Variants in MAN2C1 observed in about 807,000 individuals in gnomAD.
MAN2C1 encodes alpha-mannosidase 2C1.
In MAN2C1, 111 loss-of-function variants were observed where a neutral mutation model predicts 126.9. The ratio of observed to expected loss-of-function variants is 0.87; its 90% CI spans 0.75 to 1.02. MAN2C1 has a LOEUF of 1.02. MAN2C1 is among the 50% of genes least tolerant of loss of function. The pLI is 0.00. For synonymous variants in MAN2C1, 567 were observed against 561.5 expected (o/e 1.01, Z -0.14); for missense variants, 1,363 against 1,364.4 (o/e 1.00, Z 0.02).
Position 75,358,632 on chromosome 15 carries a change from G to T in MAN2C1, c.2247-14C>A. The T allele has an allele frequency of 6.2e-7, 1 of 1,612,408 alleles. No homozygotes were observed. On this transcript the variant is annotated splice_polypyrimidine_tract_variant and intron_variant, in intron 19 of 25. Coordinates refer to ENST00000267978, the MANE Select transcript of MAN2C1 (RefSeq NM_006715.4). ...AGCACAGGCTTCCTATGGGACAGGG[G>T]TGGACATACTGATCCAGAGCAGCCT... is the stretch of plus-strand genomic sequence containing the variant.
intron 4 of MAN2C1, chr15:75,365,896 C>T (rs1567286785): frequency 2.3e-6 from 1 of 425,666 alleles, no homozygotes; most frequent in Non-Finnish European, 4.6e-6. Flanking sequence ...AGTAGCCTGG[C>T]CAACACGGTG....
intron 20 of MAN2C1, 54 bp from the exon 21 acceptor site, chr15:75,358,398 TG>T: frequency 6.2e-7 from 1 of 1,613,366 alleles, no homozygotes; most frequent in Non-Finnish European, 8.5e-7. Flanking sequence ...CACCAAGGCC[TG>T]GGGCTGGCCC....
rs367645979 is a variant in MAN2C1 at position 75,356,709 on chromosome 15, G to T, written c.2658-24C>A. 6.2e-7 allele frequency: 1 copy of T among 1,610,640 alleles called. No homozygotes were observed. ...AGCTGGGGTGAGGAGGGCGCGTAGG[G>T]GCCACGCTGAAGCTGTTGGAGTTGT... is the stretch of plus-strand genomic sequence containing the variant. On this transcript the variant is annotated intron_variant, in intron 22 of 25. Coordinates refer to ENST00000267978, the MANE Select transcript of MAN2C1 (RefSeq NM_006715.4). This position sits in a 1 kb window ranked among gnomAD's most constrained non-coding sequence, Gnocchi z 5.8.
intron 21 of MAN2C1, chr15:75,357,154 G>C (rs989210307): frequency 6.2e-6 from 3 of 483,992 alleles, no homozygotes; most frequent in African/African-American, 5.9e-5. Flanking sequence ...GTAAAACTTT[G>C]TTTTTTTCAC....
At position 75,361,969 on chromosome 15, in the gene MAN2C1, G is replaced by A; in HGVS notation, c.1009-22C>T. The A allele has an allele frequency of 6.3e-7, 1 of 1,583,562 alleles. No homozygotes were observed. Among genetic ancestry groups the A allele is most frequent in the East Asian group, 2.2e-5 (1 of 44,768 alleles). The stretch of plus-strand genomic sequence containing the variant: ...CATCCTGGCAGTGAAGGAAGTGGGA[G>A]GCAGCCCAGGTCAGCGCTGGACGGG... On this transcript the variant is annotated intron_variant, in intron 8 of 25. Coordinates refer to ENST00000267978, the MANE Select transcript of MAN2C1 (RefSeq NM_006715.4). This position sits in a 1 kb window ranked among gnomAD's most constrained non-coding sequence, Gnocchi z 5.0.
chr15:75,364,636 T>A lies in MAN2C1; in HGVS notation c.452A>T (p.Asn151Ile). ...TCCCTTCCCGGCCCCCAGGAGCCCA[T>A]TGCAGGCTACTTCCACATAGAGAGT... is the stretch of plus-strand genomic sequence containing the variant. ...SLTLYVEVAC[N>I]GLLGAGKGSM... is the part of the protein sequence containing the mutation. Residue 151 changes from asparagine to isoleucine, a missense_variant, in exon 5 of 26, where the codon AAT becomes ATT. Coordinates refer to ENST00000267978, the MANE Select transcript of MAN2C1 (RefSeq NM_006715.4). The A allele has an allele frequency of 6.2e-7, 1 of 1,613,074 alleles. No individual in the cohort carries two copies. The highest frequency in any genetic ancestry group is 8.5e-7 in the Non-Finnish European group (1 of 1,179,502).
intron 5 of MAN2C1, 141 bp from the exon 6 acceptor site, chr15:75,364,329 C>G (rs1396258266): frequency 9.7e-6 from 12 of 1,237,888 alleles, no homozygotes; most frequent in Non-Finnish European, 1.3e-5. Flanking sequence ...GCACCGTCTC[C>G]CTCCTCCCCT....
At chr15:75,359,592 A>G in intron 16 of MAN2C1, 28 bp downstream of exon 16, 1 of 1,610,736 alleles carries the variant, frequency 6.2e-7, no homozygotes, top group South Asian at 1.1e-5. Context: ...TTCCTGCTGC[A>G]GTAGCAACCC....
At chr15:75,360,429 C>G (rs147038708) in intron 13 of MAN2C1, 136 bp downstream of exon 13, 5 of 1,392,850 alleles carry the variant, frequency 3.6e-6, no homozygotes, top group Non-Finnish European at 4.8e-6. Flanking sequence ...TCTTGACCAA[C>G]CCAGGTCTTG....
intron 17 of MAN2C1, 23 bp from the exon 18 acceptor site, chr15:75,359,176 G>A: frequency 6.2e-7 from 1 of 1,613,528 alleles, no homozygotes; most frequent in Non-Finnish European, 8.5e-7. Flanking sequence ...AGGCCTTGAG[G>A]CTGAGTCTGT....
rs938011831 is a variant in MAN2C1, at chr15:75,364,526, G to A, written c.562C>T (p.Leu188Phe). 2 of 1,604,880 alleles carry A rather than the reference G, an allele frequency of 1.2e-6. No homozygotes were observed. Among genetic ancestry groups the A allele is most frequent in the African/African-American group, 1.3e-5 (1 of 74,832 alleles). ...LAVFHRDVHM[L>F]LVDLELLLGI... is the part of the protein sequence containing the mutation. ...AGCAGCAGCTCCAGATCCACCAGGA[G>A]CATGTGGACATCCCGGTGGAACACA... The change falls in exon 5 of 26, where the codon CTC (leucine) becomes TTC (phenylalanine). Residue 188 changes from leucine (L) to phenylalanine (F), a missense_variant. Coordinates refer to ENST00000267978, the MANE Select transcript of MAN2C1 (RefSeq NM_006715.4).
rs372749844 is a variant in MAN2C1, at chr15:75,361,603, C to G, written c.1218+1G>C. 100 of 1,612,354 alleles carry G rather than the reference C, an allele frequency of 6.2e-5. No homozygotes were observed. Among genetic ancestry groups the G allele is most frequent in the Non-Finnish European group, 7.7e-5 (91 of 1,178,668 alleles). On this transcript the variant is annotated splice_donor_variant, in intron 10 of 25. Transcript: ENST00000267978. LOFTEE classifies it high-confidence loss of function. The surrounding 1 kb of genome is among the most constrained non-coding windows in gnomAD (Gnocchi z 5.0). ...CCCTGACCCCCCGGGGGCCTGCTTA[C>G]TGGGAAGGAGTTCACCAAATTCCAG...
In MAN2C1 at chr15:75,361,655, G is replaced by T; in HGVS notation, c.1167C>A (p.Ile389=). The change falls in exon 10 of 26, where the codon ATC becomes ATA. Residue 389 remains isoleucine, a synonymous_variant. Transcript: ENST00000267978. The surrounding 1 kb of genome is among the most constrained non-coding windows in gnomAD (Gnocchi z 5.0). ...QLPQIMHGCG[I]RRFLTQKLSW... ...TCAATTTCTGGGTGAGAAAGCGCCT[G>T]ATGCCACAGCCGTGCATGATCTGGG... 6.2e-7 allele frequency: 1 copy of T among 1,614,056 alleles called. No individual in the cohort carries two copies. The highest frequency in any genetic ancestry group is 8.5e-7 in the Non-Finnish European group (1 of 1,180,026).
chr15:75,366,904 C>T (rs550316317), intron 3 of MAN2C1, among the ~76,000 whole-genome samples: 3 of 152,228 alleles, frequency 2.0e-5, no homozygotes, highest in South Asian at 2.1e-4. Context: ...AAATAAATAC[C>T]GGGAAAGAAA....
Position 75,361,953 on chromosome 15 carries a change from A to C in MAN2C1, c.1009-6T>G, listed in dbSNP as rs781167420. The C allele has an allele frequency of 5.0e-6, 8 of 1,611,192 alleles. No homozygotes were observed. The highest frequency in any genetic ancestry group is 6.8e-6 in the Non-Finnish European group (8 of 1,177,522). ...CCACTGGGCAGGTTCCCATCCTGGC[A>C]GTGAAGGAAGTGGGAGGCAGCCCAG... On this transcript the variant is annotated splice_region_variant and splice_polypyrimidine_tract_variant and intron_variant, in intron 8 of 25. Coordinates refer to ENST00000267978, the MANE Select transcript of MAN2C1 (RefSeq NM_006715.4). This position sits in a 1 kb window ranked among gnomAD's most constrained non-coding sequence, Gnocchi z 5.0.
At chr15:75,365,860 G>A (rs796098018) in intron 4 of MAN2C1, 35 of 355,732 alleles carry the variant, frequency 9.8e-5, no homozygotes, top group African/African-American at 7.1e-4. Flanking sequence ...TGAGAGGGGC[G>A]GATAACCTGA....
At position 75,368,129 on chromosome 15, in the gene MAN2C1, C is replaced by G; in HGVS notation, c.171G>C (p.Gln57His). The G allele has an allele frequency of 1.2e-6, 2 of 1,606,486 alleles. No homozygotes were observed. The highest frequency in any genetic ancestry group is 2.2e-5 in the East Asian group (1 of 44,556). The change falls in exon 2 of 26, where the codon CAG becomes CAC. Residue 57 changes from glutamine (Q) to histidine (H), a missense_variant. By Grantham distance (24) the Gln-to-His change is conservative. This residue lies in a region of MAN2C1 where 628 missense variants were observed against 609.8 expected (regional missense o/e 1.03). Transcript: ENST00000267978. Reference sequence around the variant, plus strand: ...GGCGGAAGTCCCGCTGGACTGCCTCCTGGTAGGGAAGTCTCTCCGGCGTCA... The same window carrying G: ...GGCGGAAGTCCCGCTGGACTGCCTCGTGGTAGGGAAGTCTCTCCGGCGTCA... ...SFLTPERLPY[Q>H]EAVQRDFRPA...
chr15:75,365,951 G>T, intron 4 of MAN2C1: 1 of 434,656 alleles, frequency 2.3e-6, no homozygotes, highest in East Asian at 7.8e-5. Context: ...GCTGGACGTG[G>T]TGGCACACAC....
rs776073149 is a variant in MAN2C1 at position 75,360,227 on chromosome 15, G to C, written c.1585-16C>G. 1 of 1,605,442 alleles carries C rather than the reference G, an allele frequency of 6.2e-7. No homozygotes were observed. The highest frequency in any genetic ancestry group is 2.2e-5 in the East Asian group (1 of 44,880). On this transcript the variant is annotated splice_polypyrimidine_tract_variant and intron_variant, in intron 13 of 25. Transcript: ENST00000267978. ...CCTTCTTGATCTGAGCCCAGGATGGGAAGATTAGTCTGGAGCCTGCTTAGC... is the reference window on the plus strand; with the variant it reads ...CCTTCTTGATCTGAGCCCAGGATGGCAAGATTAGTCTGGAGCCTGCTTAGC...
Sources: gnomAD v4.1 joint callset for allele counts (sites outside exome capture counted in the v4.1 genomes callset) on GRCh38, gnomAD v4.1.1 for gene constraint, gnomAD v4.1.1 regional missense constraint, Gnocchi (gnomAD v3.1) non-coding constraint, MANE v1.5 for transcripts, NCBI Gene and HGNC (gene_info 2026-07-23, HGNC 2026-07-21) for gene names.